Variants in TBPL1 observed in about 807,000 individuals in gnomAD.
The protein encoded by TBPL1 is TATA box-binding protein-like 1.
Under a neutral mutation model 22.1 loss-of-function variants are expected in TBPL1, and 4 were observed. That is an observed-to-expected ratio of 0.18 (90% CI 0.09 to 0.41). The LOEUF (loss-of-function observed/expected upper bound fraction) is 0.41. TBPL1 is among the 10% of genes least tolerant of loss of function. TBPL1 has a pLI of 1.00. For synonymous variants in TBPL1, 64 were observed against 71.0 expected, an observed-to-expected ratio of 0.90 and a Z score of 0.50; for missense variants, 115 against 222.3, an observed-to-expected ratio of 0.52 and a Z score of 3.07.
Position 133,989,182 on chromosome 6 carries a change from T to TACTGTA in TBPL1, c.*2144_*2149dup, listed in dbSNP as rs1334026708. 1 of 152,148 alleles carries TACTGTA rather than the reference T, an allele frequency of 6.6e-6. No individual in the cohort carries two copies. Among genetic ancestry groups the TACTGTA allele is most frequent in the African/African-American group, 2.4e-5 (1 of 41,442 alleles). The allele number at this position is 152,148 out of a possible 1,614,324, so 9.4% of individuals were successfully genotyped here. A position where few individuals can be genotyped will look rare whatever the true frequency, so the allele number is the denominator to read the frequency against. ...ATGTCTTCTGCTGGCTCTCCATAAG[T>TACTGTA]ACTGTAAATTTTTTTTATAAATAAA... On this transcript the variant is annotated 3_prime_UTR_variant, in exon 7 of 7. Coordinates refer to ENST00000237264, the MANE Select transcript of TBPL1 (RefSeq NM_004865.4).
chr6:133,969,006 G>A (rs766438550), intron 1 of TBPL1: 5 of 152,094 alleles, frequency 3.3e-5, no homozygotes, highest in East Asian at 1.9e-4. Context: ...AGTATTCGTC[G>A]AAACAGTGAG....
At chr6:133,959,157 A>AG (rs1175034778) in intron 1 of TBPL1, among the ~76,000 whole-genome samples, 7 of 152,114 alleles carry the variant, frequency 4.6e-5, no homozygotes, top group African/African-American at 1.7e-4. Context: ...CTTGTGCCTC[A>AG]GACACCCAAG....
chr6:133,954,118 C>G (rs182796028), intron 1 of TBPL1, among the ~76,000 whole-genome samples: 2 of 152,206 alleles, frequency 1.3e-5, no homozygotes, highest in African/African-American at 4.8e-5. Flanking sequence ...AAGAAAATCT[C>G]TCCTGCCGAG....
At chr6:133,984,696 CTT>C in intron 6 of TBPL1, 25 bp downstream of exon 6, 1 of 1,538,616 alleles carries the variant, frequency 6.5e-7, no homozygotes, top group African/African-American at 1.4e-5. Flanking sequence ...TGAAACCACA[CTT>C]ATCAATTATG....
At position 133,980,205 on chromosome 6, in the gene TBPL1, A is replaced by ACAG; in HGVS notation, c.81_82insAGC (p.Asn27_Leu28insSer). 6.2e-7 allele frequency: 1 copy of ACAG among 1,610,490 alleles called. No homozygotes were observed. Among genetic ancestry groups the ACAG allele is most frequent in the Non-Finnish European group, 8.5e-7 (1 of 1,178,558 alleles). ...GTTTTTAGAACAAGATGTCATTTAA[A>ACAG]CTTAAGGAAGATTGCTTTGGAAGGA... On this transcript the variant is annotated inframe_insertion, in exon 2 of 7. Coordinates refer to ENST00000237264, the MANE Select transcript of TBPL1 (RefSeq NM_004865.4).
chr6:133,954,212 GC>G (rs1430747684), intron 1 of TBPL1, among the ~76,000 whole-genome samples: 1 of 152,236 alleles, frequency 6.6e-6, no homozygotes, highest in East Asian at 1.9e-4. Flanking sequence ...CTCTCTGACT[GC>G]ATCTGTCACC....
intron 2 of TBPL1, among the ~76,000 whole-genome samples, chr6:133,981,338 C>T (rs1776410007): frequency 6.6e-6 from 1 of 152,152 alleles, no homozygotes. Context: ...TTCAGTGACT[C>T]ACAAAGATTT....
intron 1 of TBPL1, among the ~76,000 whole-genome samples, chr6:133,967,330 A>C (rs1242270166): frequency 6.6e-6 from 1 of 152,264 alleles, no homozygotes; most frequent in East Asian, 1.9e-4. Context: ...AGAATGAATT[A>C]GATTAAGCGG....
intron 1 of TBPL1, among the ~76,000 whole-genome samples, chr6:133,963,167 T>C (rs1228586266): frequency 2.6e-5 from 4 of 152,320 alleles, no homozygotes; most frequent in South Asian, 2.1e-4. Flanking sequence ...GTAAACAGAA[T>C]GTAGAAGTCT....
chr6:133,956,932 A>T (rs1189794214), intron 1 of TBPL1, among the ~76,000 whole-genome samples: 1 of 152,198 alleles, frequency 6.6e-6, no homozygotes, highest in Non-Finnish European at 1.5e-5. Context: ...GGCTACATAG[A>T]CAAATTTGAT....
intron 1 of TBPL1, among the ~76,000 whole-genome samples, chr6:133,979,822 T>G (rs1369517813): frequency 6.6e-6 from 1 of 152,032 alleles, no homozygotes; most frequent in African/African-American, 2.4e-5. Flanking sequence ...AATTTTTGTA[T>G]TTTTAGTAGA....
At chr6:133,961,465 CTTTTTTTTTTT>C (rs61695774) in intron 1 of TBPL1, among the ~76,000 whole-genome samples, 2 of 100,208 alleles carry the variant, frequency 2.0e-5, no homozygotes, top group Admixed American at 1.1e-4. Context: ...TTCTTTCTTT[CTTTTTTTTTTT>C]TTTTTTTTTT....
At position 133,959,464 on chromosome 6, in the gene TBPL1, GTTCT is replaced by G. The variant is rs545474050; in HGVS notation, c.-45+6058_-45+6061del. Among the ~76,000 whole-genome samples, 74 of 152,136 alleles carry G rather than the reference GTTCT, an allele frequency of 4.9e-4. No individual in the cohort carries two copies. In the South Asian group the frequency reaches 6.7e-3, roughly 14 times the overall value. ...AACACATTGTTAATTTTTCTCTAGT[GTTCT>G]TTCTTTCTTTCTTTCTTTTTGTTTT... On this transcript the variant is annotated intron_variant, in intron 1 of 6. Coordinates refer to ENST00000237264, the MANE Select transcript of TBPL1 (RefSeq NM_004865.4).
chr6:133,984,155 A>T (rs1196163739), intron 4 of TBPL1, among the ~76,000 whole-genome samples: 1 of 152,208 alleles, frequency 6.6e-6, no homozygotes, highest in African/African-American at 2.4e-5. Context: ...TGTTTTGATC[A>T]TGCAAATACC....
intron 1 of TBPL1, among the ~76,000 whole-genome samples, chr6:133,974,387 G>C (rs539289691): frequency 6.6e-6 from 1 of 152,316 alleles, no homozygotes; most frequent in African/African-American, 2.4e-5. Context: ...AGGTTGGAGT[G>C]CAGTGGCGCG....
rs1776596472 is a variant in TBPL1 at position 133,989,873 on chromosome 6, A to G, written c.*2833A>G. The G allele has an allele frequency of 6.6e-6, 1 of 152,196 alleles. No individual in the cohort carries two copies. Among genetic ancestry groups the G allele is most frequent in the Non-Finnish European group, 1.5e-5 (1 of 68,016 alleles). The allele number at this position is 152,196 out of a possible 1,614,324, so 9.4% of individuals were successfully genotyped here. A position where few individuals can be genotyped will look rare whatever the true frequency, so the allele number is the denominator to read the frequency against. On this transcript the variant is annotated 3_prime_UTR_variant, in exon 7 of 7. Transcript: ENST00000237264. ...ATTCTCTTTTCTTCAGGTTAATCAT[A>G]TTTTAAAATTCTTTTTCAAGTTAGG...
Position 133,987,100 on chromosome 6 carries a change from G to C in TBPL1, c.*60G>C. 1 of 1,178,234 alleles carries C rather than the reference G, an allele frequency of 8.5e-7. No homozygotes were observed. Among genetic ancestry groups the C allele is most frequent in the South Asian group, 1.4e-5 (1 of 72,674 alleles). The allele number at this position is 1,178,234 out of a possible 1,614,324, so 73.0% of individuals were successfully genotyped here. On this transcript the variant is annotated 3_prime_UTR_variant, in exon 7 of 7. Transcript: ENST00000237264. ...CACCTTTTAAACCTGCTGCACATTG[G>C]ACTCAAAAGGAAAACTGGACCAACA...
chr6:133,983,462 T>C (rs550266845), intron 4 of TBPL1, among the ~76,000 whole-genome samples: 1 of 152,298 alleles, frequency 6.6e-6, no homozygotes, highest in South Asian at 2.1e-4. Context: ...TGAGACAAGT[T>C]TGTAGAAGTG....
upstream of TBPL1, chr6:133,952,286 G>C (rs2114304698): frequency 6.6e-6 from 1 of 152,436 alleles, no homozygotes; most frequent in Middle Eastern, 3.4e-3. This position sits in a 1 kb window ranked among gnomAD's most constrained non-coding sequence, Gnocchi z 4.5. Flanking sequence ...TGCGCCCCCG[G>C]GGTCCCCCGG....
Sources: allele counts gnomAD v4.1 joint callset (sites outside exome capture counted in the v4.1 genomes callset), GRCh38; gene constraint gnomAD v4.1.1; non-coding constraint Gnocchi (gnomAD v3.1); transcripts MANE v1.5; gene names NCBI Gene and HGNC (gene_info 2026-07-23, HGNC 2026-07-21).